The following CCSER1 variants were observed in gnomAD, a reference collection of about 807,000 sequenced individuals.
CCSER1 encodes the protein coiled-coil serine rich protein 1.
Under a neutral mutation model 82.0 loss-of-function variants are expected in CCSER1, and 41 were observed. The observed-to-expected ratio is 0.50, with a 90% confidence interval of 0.39 to 0.65. The LOEUF is 0.65. Ranked by LOEUF, CCSER1 falls within the 30% of genes least tolerant of loss-of-function variation. The probability of loss-of-function intolerance (pLI) is 0.00; values close to 1 mark genes in which losing one functional copy is unlikely to be tolerated. For missense variants in CCSER1, 1,119 were observed against 1,064.2 expected (o/e 1.05, Z -0.72); for synonymous variants, 414 against 383.9 (o/e 1.08, Z -0.92).
At chr4:90,769,967 T>C (rs1157510786) in intron 7 of CCSER1, among the ~76,000 whole-genome samples, 1 of 152,164 alleles carries the variant, frequency 6.6e-6, no homozygotes, top group Admixed American at 6.5e-5. Flanking sequence ...TATTAGCTTC[T>C]AACAAATATG....
chr4:90,827,385 C>T (rs879492998), intron 8 of CCSER1, among the ~76,000 whole-genome samples: 6 of 152,136 alleles, frequency 3.9e-5, no homozygotes, highest in Non-Finnish European at 7.4e-5. Context: ...GAACTTCAGA[C>T]CACAGACATC....
intron 4 of CCSER1, among the ~76,000 whole-genome samples, chr4:90,446,437 G>A (rs1760664039): frequency 1.3e-5 from 2 of 152,114 alleles, no homozygotes; most frequent in Admixed American, 1.3e-4. Context: ...TAACCTGAGA[G>A]AGATTCTTGA....
chr4:90,727,861 T>C (rs1218793508), intron 7 of CCSER1, among the ~76,000 whole-genome samples: 1 of 152,210 alleles, frequency 6.6e-6, no homozygotes, highest in African/African-American at 2.4e-5. Flanking sequence ...ACTTAAGTAA[T>C]ATTTTTTGAT....
intron 3 of CCSER1, among the ~76,000 whole-genome samples, chr4:90,351,243 G>A (rs1743365675): frequency 6.6e-6 from 1 of 152,104 alleles, no homozygotes; most frequent in South Asian, 2.1e-4. Context: ...AAATTCAATA[G>A]GATAGTAAGG....
chr4:91,153,189 C>A (rs1730425866), intron 10 of CCSER1, among the ~76,000 whole-genome samples: 1 of 151,988 alleles, frequency 6.6e-6, no homozygotes, highest in African/African-American at 2.4e-5. Context: ...TCCCATATTT[C>A]TTAGAGGCTT....
chr4:90,805,452 A>G (rs1757383902), intron 7 of CCSER1, among the ~76,000 whole-genome samples: 2 of 152,202 alleles, frequency 1.3e-5, no homozygotes, highest in African/African-American at 4.8e-5. Flanking sequence ...GAGTAACCTC[A>G]GAAGGAGCAT....
intron 9 of CCSER1, among the ~76,000 whole-genome samples, chr4:91,046,532 G>T (rs762055667): frequency 2.0e-5 from 3 of 152,102 alleles, no homozygotes; most frequent in Admixed American, 6.6e-5. Context: ...TAGATGATAA[G>T]ATTCAAATCT....
At chr4:91,382,615 C>T (rs1750991211) in intron 10 of CCSER1, among the ~76,000 whole-genome samples, 1 of 152,172 alleles carries the variant, frequency 6.6e-6, no homozygotes, top group African/African-American at 2.4e-5. Flanking sequence ...CACAGCTTCC[C>T]TTGGCTAGGA....
At chr4:91,231,601 A>G (rs961301009) in intron 10 of CCSER1, among the ~76,000 whole-genome samples, 1 of 149,004 alleles carries the variant, frequency 6.7e-6, no homozygotes, top group African/African-American at 2.6e-5. Flanking sequence ...AAATTCAATT[A>G]AAAAGAAAAA....
chr4:90,437,234 C>CACGCACACATGCACACAT (rs1203766005), intron 4 of CCSER1, among the ~76,000 whole-genome samples: 2 of 152,096 alleles, frequency 1.3e-5, no homozygotes, highest in Non-Finnish European at 2.9e-5. Flanking sequence ...TTAAAACACA[C>CACGCACACATGCACACAT]ACGCACACAT....
intron 8 of CCSER1, among the ~76,000 whole-genome samples, chr4:90,873,051 G>A (rs1412766701): frequency 6.6e-6 from 1 of 151,888 alleles, no homozygotes; most frequent in East Asian, 1.9e-4. Context: ...ATCTTAGGTA[G>A]TCTTATGCGG....
At chr4:91,301,369 T>C (rs1399208731) in intron 10 of CCSER1, among the ~76,000 whole-genome samples, 1 of 151,734 alleles carries the variant, frequency 6.6e-6, no homozygotes, top group Non-Finnish European at 1.5e-5. Flanking sequence ...GGAGAATTAA[T>C]ACATGGATTA....
At chr4:90,662,246 C>G (rs936013292) in intron 6 of CCSER1, among the ~76,000 whole-genome samples, 15 of 152,076 alleles carry the variant, frequency 9.9e-5, no homozygotes, top group African/African-American at 3.4e-4. Context: ...ATCCGCCCAC[C>G]TGGGGCTCCC....
At chr4:90,800,088 T>C (rs952260506) in intron 7 of CCSER1, among the ~76,000 whole-genome samples, 1 of 152,184 alleles carries the variant, frequency 6.6e-6, no homozygotes, top group African/African-American at 2.4e-5. Flanking sequence ...AGCATGCCAG[T>C]CATCTTGGTC....
chr4:90,842,393 G>T (rs1303464923), intron 8 of CCSER1, among the ~76,000 whole-genome samples: 2 of 152,138 alleles, frequency 1.3e-5, no homozygotes, highest in Non-Finnish European at 1.5e-5. Flanking sequence ...GAACTTCTCA[G>T]GGAGAGAGTA....
At chr4:90,279,995 G>A (rs185582221) in intron 1 of CCSER1, among the ~76,000 whole-genome samples, 2 of 152,090 alleles carry the variant, frequency 1.3e-5, no homozygotes, top group Admixed American at 1.3e-4. Flanking sequence ...AAAAATGATA[G>A]GAGTTAAGGG....
chr4:91,597,847 G>A (rs1223071935), intron 10 of CCSER1, among the ~76,000 whole-genome samples: 3 of 152,080 alleles, frequency 2.0e-5, no homozygotes, highest in East Asian at 1.9e-4. Flanking sequence ...GCTCTCTTCA[G>A]GAGGAATATG....
At chr4:90,487,248 G>A (rs952020454) in intron 5 of CCSER1, among the ~76,000 whole-genome samples, 1 of 152,140 alleles carries the variant, frequency 6.6e-6, no homozygotes, top group Non-Finnish European at 1.5e-5. Context: ...AGGATATTCT[G>A]TTATGTAATA....
Position 91,006,113 on chromosome 4 carries a change from G to A in CCSER1, c.2173-79837G>A, listed in dbSNP as rs371853053. Among the ~76,000 whole-genome samples, 47 of 152,126 alleles carry A rather than the reference G, an allele frequency of 3.1e-4. No homozygotes were observed. In the South Asian group the frequency reaches 4.4e-3, roughly 14 times the overall value. ...TCTTTTTTCTATTTCTGTGAAGAAC[G>A]TCATTAGTATTCTGATAAAGGTTGT... is the stretch of plus-strand genomic sequence containing the variant. On this transcript the variant is annotated intron_variant, in intron 9 of 10. Coordinates refer to ENST00000509176, the MANE Select transcript of CCSER1 (RefSeq NM_001145065.2).
Sources: gnomAD v4.1 joint callset for allele counts (sites outside exome capture counted in the v4.1 genomes callset) on GRCh38, gnomAD v4.1.1 for gene constraint, MANE v1.5 for transcripts, NCBI Gene and HGNC (gene_info 2026-07-23, HGNC 2026-07-21) for gene names.